The following PRC1 variants were observed in gnomAD, a reference collection of about 807,000 sequenced individuals.
PRC1 encodes anaphase spindle elongation 1 homolog.
In PRC1, 54 loss-of-function variants were observed where a neutral mutation model predicts 91.2. The ratio of observed to expected loss-of-function variants is 0.59; its 90% CI spans 0.48 to 0.74. The LOEUF is 0.74. Among genes scored for constraint, PRC1 ranks in the 30% least tolerant of loss-of-function variants. The pLI is 0.00. For synonymous variants in PRC1, 275 were observed against 263.6 expected, an observed-to-expected ratio of 1.04 and a Z score of -0.42; for missense variants, 727 against 746.2, an observed-to-expected ratio of 0.97 and a Z score of 0.30.
In PRC1 at chr15:90,966,436, G is replaced by A; in HGVS notation, c.*695C>T. On this transcript the variant is annotated 3_prime_UTR_variant, in exon 15 of 15. Coordinates refer to ENST00000394249, the MANE Select transcript of PRC1 (RefSeq NM_003981.4). ...ACTCAGGCAAAGTAGGCACAGGAATGGGGGAGATGAGAGCCAAGGGACAAA... is the reference window on the plus strand; with the variant it reads ...ACTCAGGCAAAGTAGGCACAGGAATAGGGGAGATGAGAGCCAAGGGACAAA... The A allele has an allele frequency of 2.7e-6, 1 of 374,236 alleles. No individual in the cohort carries two copies. Among genetic ancestry groups the A allele is most frequent in the Non-Finnish European group, 5.5e-6 (1 of 182,836 alleles). 23.2% of individuals were successfully genotyped at this position (374,236 alleles called of 1,614,324 possible). A position where few individuals can be genotyped will look rare whatever the true frequency, so the allele number is the denominator to read the frequency against.
At chr15:90,975,956 A>G (rs1253483337) in intron 9 of PRC1, among the ~76,000 whole-genome samples, 1 of 152,228 alleles carries the variant, frequency 6.6e-6, no homozygotes, top group African/African-American at 2.4e-5. Flanking sequence ...AACCATTTAC[A>G]AAGCCAAGGA....
At chr15:90,975,096 T>C (rs1596296539) in intron 9 of PRC1, among the ~76,000 whole-genome samples, 1 of 152,180 alleles carries the variant, frequency 6.6e-6, no homozygotes, top group African/African-American at 2.4e-5. Context: ...TTACTGGCTG[T>C]GAAGCAGTGA....
At chr15:90,967,469 TCATA>T (rs2037609866) in intron 14 of PRC1, 1 of 495,854 alleles carries the variant, frequency 2.0e-6, no homozygotes, top group South Asian at 2.2e-5. Context: ...GAGAAATCCT[TCATA>T]CAGTCATGCA....
At chr15:90,968,797 T>C (rs2037777581) in intron 14 of PRC1, 1 of 1,239,992 alleles carries the variant, frequency 8.1e-7, no homozygotes, top group Non-Finnish European at 1.0e-6. Context: ...TGCAGGCCTT[T>C]GATGTCACAA....
intron 1 of PRC1, among the ~76,000 whole-genome samples, chr15:90,989,400 C>T (rs6496745): frequency 0.31 from 45,774 of 148,022 alleles, 9,023 homozygotes; most frequent in African/African-American, 0.54. Flanking sequence ...GACGTGCCAT[C>T]GTGCTTGGCT....
chr15:90,980,893 GA>G lies in PRC1; in HGVS notation c.812del (p.Val271AlafsTer7). 1 of 1,614,162 alleles carries G rather than the reference GA, an allele frequency of 6.2e-7. No homozygotes were observed. On this transcript the variant is annotated frameshift_variant, in exon 6 of 15. Coordinates refer to ENST00000394249, the MANE Select transcript of PRC1 (RefSeq NM_003981.4). LOFTEE classifies it high-confidence loss of function. Reference protein sequence around the residue: ...ATIMSGSKAKVRKALQLEVDR... With the variant: ...ATIMSGSKAKXRKALQLEVDR... Reference sequence around the variant, plus strand: ...CCACTGGGTTTCTTACCGCTTTCCGGACCTTGGCCTTTGACCCAGACATAAT... The same window carrying G: ...CCACTGGGTTTCTTACCGCTTTCCGGCCTTGGCCTTTGACCCAGACATAAT...
chr15:90,969,760 AAACATATATATATATAT>A (rs1567179437), intron 12 of PRC1, 137 bp from the exon 13 acceptor site: 1 of 179,446 alleles, frequency 5.6e-6, no homozygotes, highest in East Asian at 6.1e-5. Context: ...GTTAAAAAAA[AAACATATATATATATAT>A]ATATATATAT....
At chr15:90,990,619 T>C (rs148540494) in intron 1 of PRC1, among the ~76,000 whole-genome samples, 2 of 152,132 alleles carry the variant, frequency 1.3e-5, no homozygotes, top group Admixed American at 6.5e-5. Flanking sequence ...GTGATAAAAA[T>C]GTTCTAAAAT....
chr15:90,980,078 G>A (rs1175192248), intron 7 of PRC1, among the ~76,000 whole-genome samples, 164 bp downstream of exon 7: 7 of 152,212 alleles, frequency 4.6e-5, no homozygotes, highest in African/African-American at 1.4e-4. Flanking sequence ...AAACTAGTGA[G>A]CAGGCCACAT....
At position 90,984,777 on chromosome 15, in the gene PRC1, A is replaced by T; in HGVS notation, c.60T>A (p.Asn20Lys). 6.2e-7 allele frequency: 1 copy of T among 1,614,170 alleles called. No individual in the cohort carries two copies. Among genetic ancestry groups the T allele is most frequent in the Non-Finnish European group, 8.5e-7 (1 of 1,180,032 alleles). Residue 20 changes from asparagine (N) to lysine (K), a missense_variant, in exon 2 of 15, where the codon AAT becomes AAA. Asn to Lys is a moderately conservative substitution (Grantham distance 94). Coordinates refer to ENST00000394249, the MANE Select transcript of PRC1 (RefSeq NM_003981.4). The surrounding 1 kb of genome is among the most constrained non-coding windows in gnomAD (Gnocchi z 5.1). Reference sequence around the variant, plus strand: ...TTAGCTCCCATATTTCCCGAAGGTGATTTAGGGCTTTCTGCAGACATACTA... The same window carrying T: ...TTAGCTCCCATATTTCCCGAAGGTGTTTTAGGGCTTTCTGCAGACATACTA... ...ESIVCLQKAL[N>K]HLREIWELIG... is the part of the protein sequence containing the mutation.
Position 90,969,489 on chromosome 15 carries a change from G to A in PRC1, c.1707C>T (p.Asn569=). The A allele has an allele frequency of 6.2e-7, 1 of 1,611,524 alleles. No individual in the cohort carries two copies. Among genetic ancestry groups the A allele is most frequent in the Non-Finnish European group, 8.5e-7 (1 of 1,178,926 alleles). ...GYPGSAPLQR[N]FSINSVASTY... ...TGCTGGCAACAGAATTAATGCTGAA[G>A]TTGCGCTGGAGGGGGGCCGAGCCAG... is the stretch of plus-strand genomic sequence containing the variant. The change falls in exon 13 of 15, where the codon AAC becomes AAT. Residue 569 remains asparagine (N), a synonymous_variant. Coordinates refer to ENST00000394249, the MANE Select transcript of PRC1 (RefSeq NM_003981.4).
chr15:90,985,159 C>T (rs1176334466), intron 1 of PRC1, among the ~76,000 whole-genome samples: 1 of 151,670 alleles, frequency 6.6e-6, no homozygotes, highest in African/African-American at 2.4e-5. Context: ...TAAACTAACA[C>T]AAGAACTTGC....
chr15:90,966,811 G>A lies in PRC1; in HGVS notation c.*320C>T. ...GCATAGTCAATCATTTTCCTACAGT[G>A]GTGAAATAAAACAAGCTTTGATCAT... is the stretch of plus-strand genomic sequence containing the variant. On this transcript the variant is annotated 3_prime_UTR_variant, in exon 15 of 15. Transcript: ENST00000394249. 1 of 450,456 alleles carries A rather than the reference G, an allele frequency of 2.2e-6. No individual in the cohort carries two copies. The highest frequency in any genetic ancestry group is 4.2e-6 in the Non-Finnish European group (1 of 240,502). The allele number at this position is 450,456 out of a possible 1,614,324, so 27.9% of individuals were successfully genotyped here. A position where few individuals can be genotyped will look rare whatever the true frequency, so the allele number is the denominator to read the frequency against.
At chr15:90,978,933 A>C (rs1421258731) in intron 8 of PRC1, among the ~76,000 whole-genome samples, 3 of 152,034 alleles carry the variant, frequency 2.0e-5, no homozygotes, top group Admixed American at 6.6e-5. Context: ...TCTGAACCTC[A>C]TTCATGCAAG....
chr15:90,982,123 C>T (rs1175575718), intron 3 of PRC1, 142 bp from the exon 4 acceptor site: 5 of 756,282 alleles, frequency 6.6e-6, no homozygotes, highest in Admixed American at 2.6e-5. Flanking sequence ...GAATATGGCA[C>T]AAAGAGGGTC....
At position 90,967,009 on chromosome 15, in the gene PRC1, G is replaced by A. The variant is rs1383172853; in HGVS notation, c.*122C>T. The A allele has an allele frequency of 1.2e-6, 1 of 813,152 alleles. No individual in the cohort carries two copies. Among genetic ancestry groups the A allele is most frequent in the Non-Finnish European group, 2.1e-6 (1 of 484,274 alleles). The allele number at this position is 813,152 out of a possible 1,614,324, so 50.4% of individuals were successfully genotyped here. On this transcript the variant is annotated 3_prime_UTR_variant, in exon 15 of 15. Transcript: ENST00000394249. ...ATTCACATCTTTAAGTTAGGCCCAT[G>A]GTCATGGAACCTGGCCAAGGTTTCA...
At chr15:90,989,412 A>ATTTTTTTTTTT (rs58512103) in intron 1 of PRC1, among the ~76,000 whole-genome samples, 1 of 118,486 alleles carries the variant, frequency 8.4e-6, no homozygotes, top group Admixed American at 9.6e-5. Flanking sequence ...TGCTTGGCTA[A>ATTTTTTTTTTT]TTTTTTTTTT....
chr15:90,991,214 G>A (rs545496871), intron 1 of PRC1, among the ~76,000 whole-genome samples: 3 of 151,422 alleles, frequency 2.0e-5, no homozygotes, highest in South Asian at 4.2e-4. Context: ...TCAGGAGCTC[G>A]AGACCAGCCT....
At position 90,974,630 on chromosome 15, in the gene PRC1, T is replaced by C; in HGVS notation, c.1305A>G (p.Gln435=). Residue 435 remains glutamine (Q), a synonymous_variant, in exon 10 of 15, where the codon CAA becomes CAG. Coordinates refer to ENST00000394249, the MANE Select transcript of PRC1 (RefSeq NM_003981.4). This position sits in a 1 kb window ranked among gnomAD's most constrained non-coding sequence, Gnocchi z 4.6. The stretch of plus-strand genomic sequence containing the variant: ...CTTTCTCCAATCGATGCATCTCCCA[T>C]TGTTCTGCCACATACTCCATGAATT... ...GQKFMEYVAE[Q]WEMHRLEKER... 1 of 1,614,240 alleles carries C rather than the reference T, an allele frequency of 6.2e-7. No homozygotes were observed. The highest frequency in any genetic ancestry group is 8.5e-7 in the Non-Finnish European group (1 of 1,180,038).
Sources: allele counts gnomAD v4.1 joint callset (sites outside exome capture counted in the v4.1 genomes callset), GRCh38; gene constraint gnomAD v4.1.1; non-coding constraint Gnocchi (gnomAD v3.1); transcripts MANE v1.5; gene names NCBI Gene and HGNC (gene_info 2026-07-23, HGNC 2026-07-21).